Variants in UBE2E2 observed in about 807,000 individuals in gnomAD.
UBE2E2 encodes ubiquitin conjugating enzyme E2 E2, also known as ubiquitin-conjugating enzyme E2 E2.
Under a neutral mutation model 24.7 loss-of-function variants are expected in UBE2E2, and 6 were observed. That is an observed-to-expected ratio of 0.24 (90% confidence interval 0.13 to 0.48). The LOEUF (loss-of-function observed/expected upper bound fraction) is 0.48. Ranked by LOEUF, UBE2E2 falls within the 20% of genes least tolerant of loss-of-function variation. The pLI is 0.99. For missense variants in UBE2E2, 169 were observed against 245.0 expected, an observed-to-expected ratio of 0.69 and a Z score of 2.07; for synonymous variants, 104 against 83.6, an observed-to-expected ratio of 1.24 and a Z score of -1.33.
chr3:23,580,720 A>C (rs977939679), intron 5 of UBE2E2, among the ~76,000 whole-genome samples: 60 of 152,222 alleles, frequency 3.9e-4, no homozygotes, highest in African/African-American at 1.4e-3. Flanking sequence ...ATCCTCAGGG[A>C]GGCTATGCTT....
chr3:23,247,038 A>G (rs915361720), intron 3 of UBE2E2, among the ~76,000 whole-genome samples: 2 of 151,808 alleles, frequency 1.3e-5, no homozygotes, highest in Non-Finnish European at 2.9e-5. Context: ...TTTTTATTGT[A>G]GAGACAGAGT....
intron 3 of UBE2E2, among the ~76,000 whole-genome samples, chr3:23,454,214 A>G (rs1012087798): frequency 6.6e-6 from 1 of 152,154 alleles, no homozygotes; most frequent in African/African-American, 2.4e-5. Context: ...TTATAAACTG[A>G]TTTTTTAAAT....
chr3:23,241,640 A>G, intron 3 of UBE2E2, among the ~76,000 whole-genome samples: 1 of 151,310 alleles, frequency 6.6e-6, no homozygotes, highest in East Asian at 1.9e-4. Flanking sequence ...ACACCCAATT[A>G]TTTTTACTCC....
At chr3:23,522,506 G>T (rs1559410617) in intron 4 of UBE2E2, among the ~76,000 whole-genome samples, 1 of 152,072 alleles carries the variant, frequency 6.6e-6, no homozygotes, top group East Asian at 1.9e-4. Flanking sequence ...TTAAAGACTT[G>T]TTAAAATCTA....
chr3:23,566,535 G>A (rs1696077696), intron 5 of UBE2E2, among the ~76,000 whole-genome samples: 1 of 152,186 alleles, frequency 6.6e-6, no homozygotes, highest in Admixed American at 6.5e-5. Flanking sequence ...TCACAGTTCT[G>A]CAGGGTGTAC....
intron 3 of UBE2E2, among the ~76,000 whole-genome samples, chr3:23,384,647 A>G (rs890932668): frequency 1.3e-5 from 2 of 150,472 alleles, no homozygotes; most frequent in African/African-American, 2.4e-5. Context: ...GGTTCAAGCA[A>G]TTCTCTTGCT....
intron 5 of UBE2E2, among the ~76,000 whole-genome samples, chr3:23,564,093 T>A (rs1311580422): frequency 6.6e-6 from 1 of 152,126 alleles, no homozygotes; most frequent in Non-Finnish European, 1.5e-5. Flanking sequence ...GAATGGTTAT[T>A]TAAGCAGGGA....
intron 3 of UBE2E2, among the ~76,000 whole-genome samples, chr3:23,297,961 C>A (rs78738323): frequency 0.84 from 125,434 of 149,484 alleles, 52,722 homozygotes; most frequent in African/African-American, 0.9. Context: ...CTTTTATTTC[C>A]TTGAGCAGTG....
intron 4 of UBE2E2, among the ~76,000 whole-genome samples, chr3:23,526,113 A>C (rs1223221196): frequency 6.6e-6 from 1 of 152,182 alleles, no homozygotes; most frequent in African/African-American, 2.4e-5. Context: ...TTGCTGATGT[A>C]ACCAGACCAC....
intron 5 of UBE2E2, among the ~76,000 whole-genome samples, chr3:23,586,040 A>G (rs1300280576): frequency 6.6e-6 from 1 of 152,162 alleles, no homozygotes; most frequent in African/African-American, 2.4e-5. Context: ...AAGCATATAC[A>G]ATTTACCATT....
At chr3:23,500,359 A>T (rs925536241) in intron 4 of UBE2E2, among the ~76,000 whole-genome samples, 15 of 152,260 alleles carry the variant, frequency 9.9e-5, no homozygotes, top group Admixed American at 2.6e-4. Context: ...CTGATGTGGA[A>T]GAGTGCAGTG....
At chr3:23,296,470 C>A (rs549151214) in intron 3 of UBE2E2, among the ~76,000 whole-genome samples, 2 of 152,226 alleles carry the variant, frequency 1.3e-5, no homozygotes, top group South Asian at 4.2e-4. Flanking sequence ...CTCCCCACCC[C>A]ACAACAGGCC....
intron 3 of UBE2E2, among the ~76,000 whole-genome samples, chr3:23,338,564 A>T (rs928195629): frequency 6.6e-6 from 1 of 152,148 alleles, no homozygotes; most frequent in Non-Finnish European, 1.5e-5. Flanking sequence ...AGGCACCAAT[A>T]AAAGGAACCA....
At chr3:23,434,732 A>G (rs1042814213) in intron 3 of UBE2E2, among the ~76,000 whole-genome samples, 1 of 152,220 alleles carries the variant, frequency 6.6e-6, no homozygotes, top group African/African-American at 2.4e-5. Flanking sequence ...GTGTTTAATA[A>G]GTAGCACAAT....
chr3:23,223,075 A>G (rs1306953413), intron 3 of UBE2E2, among the ~76,000 whole-genome samples: 2 of 118,018 alleles, frequency 1.7e-5, no homozygotes, highest in Non-Finnish European at 3.2e-5. Flanking sequence ...GCTGGAGTGC[A>G]GTGGCGTGAT....
intron 3 of UBE2E2, among the ~76,000 whole-genome samples, chr3:23,293,682 T>A (rs1282005219): frequency 6.6e-6 from 1 of 152,234 alleles, no homozygotes; most frequent in Non-Finnish European, 1.5e-5. Flanking sequence ...ATCTTTCCTC[T>A]AGAGTAAGAC....
intron 2 of UBE2E2, among the ~76,000 whole-genome samples, chr3:23,211,758 GA>G (rs1696330415): frequency 6.6e-6 from 1 of 152,134 alleles, no homozygotes; most frequent in Non-Finnish European, 1.5e-5. Context: ...GTAGAAGGAA[GA>G]TGATAACGGT....
intron 3 of UBE2E2, among the ~76,000 whole-genome samples, chr3:23,283,996 AGTT>A (rs1236561113): frequency 6.6e-6 from 1 of 152,198 alleles, no homozygotes; most frequent in African/African-American, 2.4e-5. Flanking sequence ...TGAACAATGT[AGTT>A]GTTTTCCTAC....
chr3:23,266,196 T>C (rs913031137), intron 3 of UBE2E2, among the ~76,000 whole-genome samples: 6 of 152,190 alleles, frequency 3.9e-5, no homozygotes, highest in African/African-American at 1.2e-4. Context: ...ATTATGATGT[T>C]AGTTGGTTAT....
Sources: allele counts gnomAD v4.1 joint callset (sites outside exome capture counted in the v4.1 genomes callset), GRCh38; gene constraint gnomAD v4.1.1; transcripts MANE v1.5; gene names NCBI Gene and HGNC (gene_info 2026-07-23, HGNC 2026-07-21).